Variants in SNX29 observed in about 807,000 individuals in gnomAD.
SNX29 encodes sorting nexin-29.
A neutral mutation model predicts 102.1 loss-of-function variants in SNX29; 78 were observed. The observed-to-expected ratio is 0.76, with a 90% CI of 0.64 to 0.92. The LOEUF (loss-of-function observed/expected upper bound fraction) is 0.92. Among genes scored for constraint, SNX29 ranks in the 40% least tolerant of loss-of-function variants. The probability of loss-of-function intolerance (pLI) is 0.00; values close to 1 mark genes in which losing one functional copy is unlikely to be tolerated. For synonymous variants in SNX29, 580 were observed against 414.5 expected (o/e 1.40, Z -4.85); for missense variants, 1,280 against 1,061.7 (o/e 1.21, Z -2.86).
chr16:12,067,944 A>G (rs770181759), intron 9 of SNX29, among the ~76,000 whole-genome samples: 16 of 152,242 alleles, frequency 1.1e-4, no homozygotes, highest in African/African-American at 1.9e-4. Flanking sequence ...TCCAGAGACT[A>G]CTTATGGCCC....
chr16:12,129,628 A>G lies in SNX29; in HGVS notation c.1467-2A>G. 1 of 1,608,846 alleles carries G rather than the reference A, an allele frequency of 6.2e-7. No homozygotes were observed. The highest frequency in any genetic ancestry group is 8.5e-7 in the Non-Finnish European group (1 of 1,178,070). Reference sequence around the variant, plus strand: ...TGAACAGATGGGTCCCTCTCTTCCCAGATCACTGCGAAACCTGCTCGACGG... The same window carrying G: ...TGAACAGATGGGTCCCTCTCTTCCCGGATCACTGCGAAACCTGCTCGACGG... On this transcript the variant is annotated splice_acceptor_variant, in intron 12 of 20. Transcript: ENST00000566228. LOFTEE classifies it high-confidence loss of function.
chr16:12,560,059 A>ATTTT (rs2078630491), intron 20 of SNX29, among the ~76,000 whole-genome samples: 2 of 152,114 alleles, frequency 1.3e-5, no homozygotes, highest in Non-Finnish European at 2.9e-5. Flanking sequence ...ATGACTAGAA[A>ATTTT]ACTATGTAAC....
chr16:12,278,046 G>T lies in SNX29; in HGVS notation c.1782+10G>T, dbSNP rs893653552. On this transcript the variant is annotated intron_variant, in intron 15 of 20. Transcript: ENST00000566228. ...AAGAAAGCTCATCGAGGTAAGGCCG[G>T]TGGAGTCTGTGTGTCTTTGTTTCTG... 1.3e-6 allele frequency: 2 copies of T among 1,583,258 alleles called. No individual in the cohort carries two copies. The highest frequency in any genetic ancestry group is 1.3e-5 in the African/African-American group (1 of 74,210).
intron 3 of SNX29, 134 bp downstream of exon 3, chr16:12,003,177 C>T (rs1377610031): frequency 3.7e-6 from 4 of 1,069,622 alleles, no homozygotes; most frequent in Non-Finnish European, 5.7e-6. Context: ...TCTGCCTCTG[C>T]AGCCAAGAGG....
intron 14 of SNX29, among the ~76,000 whole-genome samples, chr16:12,253,547 G>T (rs1487463598): frequency 6.6e-6 from 1 of 152,204 alleles, no homozygotes; most frequent in African/African-American, 2.4e-5. Flanking sequence ...GGCGTTGCCT[G>T]AGCACAGAGT....
intron 18 of SNX29, among the ~76,000 whole-genome samples, chr16:12,454,537 C>G: frequency 6.6e-6 from 1 of 152,050 alleles, no homozygotes. Flanking sequence ...CCATGGGCCA[C>G]AGGTGCTGCT....
At chr16:12,054,737 C>G (rs1368078125) in intron 8 of SNX29, among the ~76,000 whole-genome samples, 2 of 152,142 alleles carry the variant, frequency 1.3e-5, no homozygotes, top group Admixed American at 6.5e-5. Flanking sequence ...TCAATATAAA[C>G]CTGTATTTGT....
chr16:12,512,691 C>T (rs114025014), intron 19 of SNX29, among the ~76,000 whole-genome samples: 2,524 of 152,020 alleles, frequency 0.017, 36 homozygotes, highest in African/African-American at 0.04. Flanking sequence ...GGCTGGAGTA[C>T]GTGCATGAAC....
chr16:12,301,811 C>A (rs945647267), intron 15 of SNX29, among the ~76,000 whole-genome samples: 3 of 152,146 alleles, frequency 2.0e-5, no homozygotes, highest in Non-Finnish European at 4.4e-5. Flanking sequence ...TTGCCTTGCC[C>A]TATGGACAGA....
chr16:12,074,972 C>A (rs1009708020), intron 10 of SNX29, among the ~76,000 whole-genome samples: 2 of 152,200 alleles, frequency 1.3e-5, no homozygotes, highest in African/African-American at 4.8e-5. Flanking sequence ...CCTGAGGCTT[C>A]TGCATTCTTC....
intron 20 of SNX29, among the ~76,000 whole-genome samples, chr16:12,561,695 C>A (rs12925835): frequency 7.2e-5 from 11 of 151,994 alleles, no homozygotes; most frequent in South Asian, 4.1e-4. Context: ...CCCCTTTTCC[C>A]CAACTCCCCA....
intron 11 of SNX29, among the ~76,000 whole-genome samples, chr16:12,105,510 C>G (rs1444726485): frequency 3.3e-5 from 5 of 152,036 alleles, no homozygotes; most frequent in Admixed American, 6.6e-5. Context: ...GCGTGAGCCA[C>G]CACACCCGGC....
chr16:12,094,716 G>A (rs923008431), intron 11 of SNX29, among the ~76,000 whole-genome samples: 3 of 152,098 alleles, frequency 2.0e-5, no homozygotes, highest in Non-Finnish European at 2.9e-5. Flanking sequence ...GCTGCTGAAC[G>A]TCCTGTGGTG....
chr16:12,135,244 T>A (rs1041863871), intron 13 of SNX29, among the ~76,000 whole-genome samples: 2 of 152,258 alleles, frequency 1.3e-5, no homozygotes, highest in African/African-American at 4.8e-5. Context: ...ATTGTGTTGA[T>A]CTAGCTATCT....
chr16:12,070,484 A>G (rs1329652142), intron 10 of SNX29, among the ~76,000 whole-genome samples: 2 of 151,746 alleles, frequency 1.3e-5, no homozygotes, highest in African/African-American at 4.8e-5. Context: ...AGTTTCATCC[A>G]TGTCCCTACA....
chr16:12,239,949 G>A (rs1445475127), intron 14 of SNX29, among the ~76,000 whole-genome samples: 1 of 152,150 alleles, frequency 6.6e-6, no homozygotes, highest in Non-Finnish European at 1.5e-5. Context: ...GAGATTTGAA[G>A]TACCTCTTCC....
At chr16:12,360,988 G>T (rs1221087751) in intron 16 of SNX29, among the ~76,000 whole-genome samples, 1 of 152,226 alleles carries the variant, frequency 6.6e-6, no homozygotes, top group Admixed American at 6.5e-5. Flanking sequence ...AGAATTGCAG[G>T]AACGGGTATG....
intron 11 of SNX29, among the ~76,000 whole-genome samples, chr16:12,094,563 T>C (rs2052691641): frequency 1.3e-5 from 2 of 152,090 alleles, no homozygotes; most frequent in Non-Finnish European, 2.9e-5. Context: ...GGCCTGAAAA[T>C]TGGAAGTGAT....
intron 15 of SNX29, among the ~76,000 whole-genome samples, chr16:12,342,983 T>G (rs546136758): frequency 1.5e-4 from 23 of 152,230 alleles, no homozygotes; most frequent in Admixed American, 1.5e-3. Flanking sequence ...CTGTTGGGTG[T>G]GAGAAAGAGA....
Sources: gnomAD v4.1 joint callset for allele counts (sites outside exome capture counted in the v4.1 genomes callset) on GRCh38, gnomAD v4.1.1 for gene constraint, MANE v1.5 for transcripts, NCBI Gene and HGNC (gene_info 2026-07-23, HGNC 2026-07-21) for gene names.